The following PDE7B variants were observed in gnomAD, a reference collection of about 807,000 sequenced individuals.
PDE7B encodes phosphodiesterase 7B.
In PDE7B, 29 loss-of-function variants were observed where a neutral mutation model predicts 56.2. The ratio of observed to expected loss-of-function variants is 0.52; its 90% CI spans 0.38 to 0.70. The LOEUF is 0.70. Ranked by LOEUF, PDE7B falls within the 30% of genes least tolerant of loss-of-function variation. PDE7B has a pLI of 0.00. For synonymous variants in PDE7B, 197 were observed against 196.9 expected (o/e 1.00, Z 0.00); for missense variants, 490 against 565.0 (o/e 0.87, Z 1.35).
At chr6:136,004,523 A>G (rs1291660684) in intron 2 of PDE7B, among the ~76,000 whole-genome samples, 3 of 152,154 alleles carry the variant, frequency 2.0e-5, no homozygotes, top group Non-Finnish European at 4.4e-5. Flanking sequence ...TACAAAATCA[A>G]TGTACAAAAA....
intron 1 of PDE7B, among the ~76,000 whole-genome samples, chr6:135,908,088 C>CT (rs11359781): frequency 1.5e-3 from 212 of 144,796 alleles, no homozygotes; most frequent in Middle Eastern, 7.0e-3. Context: ...TTGTCAACTG[C>CT]TTTTTTTTTT....
rs1200854352 is a variant in PDE7B, at chr6:135,869,100, A to G, written c.21+17081A>G. On this transcript the variant is annotated intron_variant, in intron 1 of 12. Coordinates refer to ENST00000308191, the MANE Select transcript of PDE7B (RefSeq NM_018945.4). Reference sequence around the variant, plus strand: ...TATACTTGTACACATATGAGGGCATAAAACCAGATGACTGGTATATGATGT... The same window carrying G: ...TATACTTGTACACATATGAGGGCATGAAACCAGATGACTGGTATATGATGT... 2.0e-5 allele frequency among the ~76,000 whole-genome samples: 3 copies of G among 152,212 alleles called. No homozygotes were observed. The South Asian group carries it at 6.2e-4, about 31-fold the overall frequency.
At chr6:136,070,626 A>T (rs181362893) in intron 2 of PDE7B, among the ~76,000 whole-genome samples, 2,039 of 152,290 alleles carry the variant, frequency 0.013, 17 homozygotes, top group Non-Finnish European at 0.023. Context: ...GATTTAATTC[A>T]TTTAATTTAA....
chr6:136,106,349 TTTC>T (rs1482460373), intron 2 of PDE7B, among the ~76,000 whole-genome samples: 1 of 152,204 alleles, frequency 6.6e-6, no homozygotes, highest in African/African-American at 2.4e-5. Context: ...AAGATTTTCA[TTTC>T]TTTTTTCATT....
intron 3 of PDE7B, among the ~76,000 whole-genome samples, chr6:136,109,096 C>T (rs1473181969): frequency 2.0e-5 from 3 of 152,140 alleles, no homozygotes; most frequent in Non-Finnish European, 4.4e-5. Flanking sequence ...CGCCTGTAAT[C>T]CCAGCACTTC....
At chr6:136,108,681 A>G in intron 2 of PDE7B, 50 bp from the exon 3 acceptor site, 3 of 1,171,472 alleles carry the variant, frequency 2.6e-6, no homozygotes, top group Non-Finnish European at 3.9e-6. Context: ...GGAAAAGTGA[A>G]TGCACGTGGC....
intron 8 of PDE7B, among the ~76,000 whole-genome samples, chr6:136,159,433 G>A (rs192772975): frequency 1.7e-3 from 264 of 152,202 alleles, no homozygotes; most frequent in Middle Eastern, 3.4e-3. Context: ...TGGCATCCCC[G>A]CTCCCTTCTC....
chr6:136,085,653 G>A (rs187990702), intron 2 of PDE7B, among the ~76,000 whole-genome samples: 151 of 152,294 alleles, frequency 9.9e-4, no homozygotes, highest in Admixed American at 3.0e-3. Context: ...TGGGGATGCA[G>A]CACTGAAGGC....
intron 8 of PDE7B, among the ~76,000 whole-genome samples, chr6:136,159,519 C>G (rs769101040): frequency 6.6e-6 from 1 of 152,152 alleles, no homozygotes; most frequent in Non-Finnish European, 1.5e-5. Context: ...GCAGTGCTAT[C>G]GTTTCTTCAA....
chr6:135,982,163 T>A (rs975112230), intron 2 of PDE7B, among the ~76,000 whole-genome samples: 1 of 152,166 alleles, frequency 6.6e-6, no homozygotes, highest in Non-Finnish European at 1.5e-5. Flanking sequence ...TGTTAAGAAC[T>A]CTTAGTTTCA....
intron 1 of PDE7B, among the ~76,000 whole-genome samples, chr6:135,902,903 C>A (rs1776031180): frequency 6.6e-6 from 1 of 152,138 alleles, no homozygotes; most frequent in South Asian, 2.1e-4. Context: ...TGTTGTTATT[C>A]TCCTCATTCT....
intron 2 of PDE7B, among the ~76,000 whole-genome samples, chr6:136,035,806 C>A (rs958879028): frequency 1.3e-5 from 2 of 151,828 alleles, no homozygotes; most frequent in Non-Finnish European, 2.9e-5. Context: ...AAATGTATAT[C>A]CTTGGATTTT....
chr6:135,965,024 C>T (rs776994178), intron 2 of PDE7B, among the ~76,000 whole-genome samples: 5 of 152,102 alleles, frequency 3.3e-5, no homozygotes, highest in Non-Finnish European at 7.3e-5. Context: ...GCCTATAATC[C>T]CAGCTACTTG....
chr6:136,192,164 C>A lies in PDE7B; in HGVS notation c.*324C>A, dbSNP rs1198447320. On this transcript the variant is annotated 3_prime_UTR_variant, in exon 13 of 13. Transcript: ENST00000308191. ...CTGCCGTGTCCGCCTTGTTCCGGGT[C>A]GCACTGGAACAGGCAGCAATTCCTA... 1.1e-5 allele frequency: 4 copies of A among 352,308 alleles called. No homozygotes were observed. The East Asian group carries it at 2.5e-4, about 22-fold the overall frequency. The allele number at this position is 352,308 out of a possible 1,614,324, so 21.8% of individuals were successfully genotyped here. A position where few individuals can be genotyped will look rare whatever the true frequency, so the allele number is the denominator to read the frequency against.
chr6:135,852,027 C>T lies in PDE7B; in HGVS notation c.21+8C>T. 6.2e-7 allele frequency: 1 copy of T among 1,600,310 alleles called. No homozygotes were observed. Among genetic ancestry groups the T allele is most frequent in the Non-Finnish European group, 8.6e-7 (1 of 1,167,800 alleles). ...TCTTGTTTAATGGTTGAGGTATGTA[C>T]AACAAATTTAAGCGGCAAGCTCAGT... On this transcript the variant is annotated splice_region_variant and intron_variant, in intron 1 of 12. Coordinates refer to ENST00000308191, the MANE Select transcript of PDE7B (RefSeq NM_018945.4).
chr6:136,137,888 G>C lies in PDE7B; in HGVS notation c.167-9463G>C, dbSNP rs538559746. 4.1e-4 allele frequency among the ~76,000 whole-genome samples: 62 copies of C among 152,118 alleles called. 1 individual carries two copies. In the Middle Eastern group the frequency reaches 0.01, roughly 25 times the overall value. ...TAGTGCAAAAATGTGTTAATATGTA[G>C]ATATCTGTGATATTTACAAAAGAAA... is the stretch of plus-strand genomic sequence containing the variant. On this transcript the variant is annotated intron_variant, in intron 3 of 12. Transcript: ENST00000308191.
intron 1 of PDE7B, among the ~76,000 whole-genome samples, chr6:135,909,884 G>A (rs1037734447): frequency 6.6e-6 from 1 of 152,060 alleles, no homozygotes; most frequent in African/African-American, 2.4e-5. Flanking sequence ...GGCAAACGCA[G>A]GTGTGATCTT....
intron 1 of PDE7B, among the ~76,000 whole-genome samples, chr6:135,939,561 G>C (rs1161298286): frequency 2.0e-5 from 3 of 152,204 alleles, no homozygotes; most frequent in African/African-American, 7.2e-5. Flanking sequence ...GGAGTGCTGA[G>C]GGCTGCCACA....
At chr6:136,152,067 G>A (rs910544221) in intron 6 of PDE7B, among the ~76,000 whole-genome samples, 15 of 152,206 alleles carry the variant, frequency 9.9e-5, no homozygotes, top group African/African-American at 3.6e-4. Context: ...TGAGGAAGAA[G>A]AGGAAGAGGA....
Sources: allele counts gnomAD v4.1 joint callset (sites outside exome capture counted in the v4.1 genomes callset), GRCh38; gene constraint gnomAD v4.1.1; transcripts MANE v1.5; gene names NCBI Gene and HGNC (gene_info 2026-07-23, HGNC 2026-07-21).